The following ERP44 variants were observed in gnomAD, a reference collection of about 807,000 sequenced individuals.
ERP44 encodes endoplasmic reticulum resident protein 44.
Under a neutral mutation model 53.4 loss-of-function variants are expected in ERP44, and 25 were observed. The observed-to-expected ratio is 0.47, with a 90% CI of 0.34 to 0.65. The LOEUF is 0.65. Ranked by LOEUF, ERP44 falls within the 30% of genes least tolerant of loss-of-function variation. The pLI is 0.01. For missense variants in ERP44, 338 were observed against 493.2 expected, an observed-to-expected ratio of 0.69 and a Z score of 2.98; for synonymous variants, 145 against 161.2, an observed-to-expected ratio of 0.90 and a Z score of 0.76.
At chr9:100,042,718 T>C (rs1825919241) in intron 4 of ERP44, among the ~76,000 whole-genome samples, 2 of 152,084 alleles carry the variant, frequency 1.3e-5, no homozygotes, top group African/African-American at 4.8e-5. Flanking sequence ...TAATGGAGTA[T>C]TACTAATCCA....
chr9:100,007,532 A>T, intron 9 of ERP44, 46 bp downstream of exon 9: 1 of 972,470 alleles, frequency 1.0e-6, no homozygotes, highest in Non-Finnish European at 1.7e-6. Flanking sequence ...GGAAAAAAAG[A>T]AAAGAGAGAA....
chr9:100,028,477 TG>T (rs1830677219), intron 4 of ERP44, among the ~76,000 whole-genome samples: 1 of 152,370 alleles, frequency 6.6e-6, no homozygotes, highest in East Asian at 1.9e-4. Flanking sequence ...TTTAATTGTG[TG>T]CATATGTACA....
At chr9:99,991,539 C>T (rs1040027325) in intron 10 of ERP44, among the ~76,000 whole-genome samples, 1 of 152,144 alleles carries the variant, frequency 6.6e-6, no homozygotes, top group Non-Finnish European at 1.5e-5. Flanking sequence ...ATTTATAGCA[C>T]TAAATGCCCA....
intron 8 of ERP44, among the ~76,000 whole-genome samples, chr9:100,010,063 T>C (rs995761428): frequency 6.6e-6 from 1 of 152,242 alleles, no homozygotes; most frequent in Admixed American, 6.5e-5. Flanking sequence ...TATCTGTACA[T>C]ATGAAATATT....
At chr9:100,074,235 T>C (rs1319154497) in intron 1 of ERP44, among the ~76,000 whole-genome samples, 1 of 152,126 alleles carries the variant, frequency 6.6e-6, no homozygotes, top group Admixed American at 6.5e-5. Context: ...TACAGACCAG[T>C]ACTAGTCCGC....
chr9:100,035,651 G>A (rs914259396), intron 4 of ERP44, among the ~76,000 whole-genome samples: 1 of 151,574 alleles, frequency 6.6e-6, no homozygotes, highest in African/African-American at 2.4e-5. Flanking sequence ...CTCCAGCCTG[G>A]GCAACAAGAC....
At chr9:100,094,878 G>GA (rs1826606257) in intron 1 of ERP44, among the ~76,000 whole-genome samples, 1 of 151,284 alleles carries the variant, frequency 6.6e-6, no homozygotes, top group Non-Finnish European at 1.5e-5. Context: ...AGGCTGAGGT[G>GA]AAAGGATTGC....
chr9:100,098,829 G>A lies in ERP44; in HGVS notation c.12C>T (p.Ala4=), dbSNP rs553520783. 10 of 1,613,470 alleles carry A rather than the reference G, an allele frequency of 6.2e-6. No homozygotes were observed. In the African/African-American group the frequency reaches 1.2e-4, roughly 19 times the overall value. The change falls in exon 1 of 12, where the codon GCC becomes GCT. Residue 4 remains alanine, a synonymous_variant. Transcript: ENST00000262455. The part of the protein sequence containing the change: MHP[A]VFLSLPDLRC... ...TGAGGTCGGGTAAGGATAGGAAGAC[G>A]GCAGGATGCATGGTAACGCTGGGGT...
intron 4 of ERP44, among the ~76,000 whole-genome samples, chr9:100,052,070 C>G (rs1469767790): frequency 1.3e-5 from 2 of 151,950 alleles, no homozygotes; most frequent in Non-Finnish European, 2.9e-5. Context: ...ATTTTTTCTT[C>G]TAATACTACA....
intron 4 of ERP44, among the ~76,000 whole-genome samples, chr9:100,051,091 T>G (rs1281943138): frequency 1.3e-5 from 2 of 152,220 alleles, no homozygotes; most frequent in Non-Finnish European, 2.9e-5. Flanking sequence ...ATGCCTGTAC[T>G]GACAACCTTT....
chr9:100,065,857 G>C (rs564835578), intron 1 of ERP44, among the ~76,000 whole-genome samples: 1 of 152,294 alleles, frequency 6.6e-6, no homozygotes, highest in East Asian at 1.9e-4. Context: ...ATTCATAGAC[G>C]CATTAGCTAG....
intron 5 of ERP44, among the ~76,000 whole-genome samples, chr9:100,021,260 T>C (rs1830585716): frequency 6.6e-6 from 1 of 152,170 alleles, no homozygotes; most frequent in Non-Finnish European, 1.5e-5. Flanking sequence ...TGCTCTGAAA[T>C]AGTGAGTTCC....
intron 1 of ERP44, among the ~76,000 whole-genome samples, chr9:100,094,951 G>A (rs1290086101): frequency 2.0e-5 from 3 of 148,082 alleles, no homozygotes; most frequent in East Asian, 4.0e-4. Context: ...TAGCCTGGGT[G>A]ACAGAGCTAG....
chr9:100,054,185 C>T (rs965535563), intron 3 of ERP44, among the ~76,000 whole-genome samples: 18 of 152,080 alleles, frequency 1.2e-4, no homozygotes, highest in Non-Finnish European at 2.9e-5. Flanking sequence ...CATCATGGAC[C>T]GTGTCTTATT....
chr9:100,018,392 T>A, intron 6 of ERP44, 79 bp from the exon 7 acceptor site: 1 of 828,088 alleles, frequency 1.2e-6, no homozygotes, highest in Non-Finnish European at 2.1e-6. Flanking sequence ...AAATATATAC[T>A]TATCCATCAT....
intron 1 of ERP44, among the ~76,000 whole-genome samples, chr9:100,079,455 C>CACACAG (rs1491502227): frequency 3.5e-5 from 5 of 144,726 alleles, no homozygotes; most frequent in South Asian, 2.1e-4. Flanking sequence ...CACACACACA[C>CACACAG]AGACACCCTA....
chr9:100,071,627 C>G (rs566211145), intron 1 of ERP44, among the ~76,000 whole-genome samples: 1 of 152,242 alleles, frequency 6.6e-6, no homozygotes, highest in African/African-American at 2.4e-5. Flanking sequence ...CTTTAAAGAT[C>G]TGTATTTTTT....
intron 1 of ERP44, among the ~76,000 whole-genome samples, chr9:100,065,186 C>G (rs1587978884): frequency 6.6e-6 from 1 of 152,044 alleles, no homozygotes; most frequent in Non-Finnish European, 1.5e-5. Context: ...ATCTTTTATA[C>G]TATATTTTTA....
intron 10 of ERP44, among the ~76,000 whole-genome samples, chr9:99,991,698 C>A (rs878944479): frequency 1.3e-5 from 2 of 151,854 alleles, no homozygotes; most frequent in East Asian, 1.9e-4. Flanking sequence ...GACACAAAAA[C>A]CCCTTCAAAA....
Sources: allele counts gnomAD v4.1 joint callset (sites outside exome capture counted in the v4.1 genomes callset), GRCh38; gene constraint gnomAD v4.1.1; transcripts MANE v1.5; gene names NCBI Gene and HGNC (gene_info 2026-07-23, HGNC 2026-07-21).